AARS2: variants seen among roughly 807,000 people sequenced by gnomAD.
The protein encoded by AARS2 is alanyl-tRNA synthetase 2, mitochondrial.
Under a neutral mutation model 119.7 loss-of-function variants are expected in AARS2, and 78 were observed. The ratio of observed to expected loss-of-function variants is 0.65; its 90% CI spans 0.54 to 0.79. The LOEUF is 0.79. AARS2 is among the 30% of genes least tolerant of loss of function. The pLI is 0.00. For synonymous variants in AARS2, 502 were observed against 526.3 expected (o/e 0.95, Z 0.63); for missense variants, 1,157 against 1,291.3 (o/e 0.90, Z 1.59).
chr6:44,306,615 A>T, intron 7 of AARS2, 83 bp from the exon 8 acceptor site: 1 of 1,506,052 alleles, frequency 6.6e-7, no homozygotes, highest in African/African-American at 1.4e-5. Flanking sequence ...CCCTGAGGAC[A>T]CCTGCCCTGG....
In AARS2 at chr6:44,306,803, G is replaced by A. The variant is rs1192946173; in HGVS notation, c.1149+120C>T. The stretch of plus-strand genomic sequence containing the variant: ...TTCTTAGCTTGCTGATAGGATGCTG[G>A]GCTCGATATTTAGGGTGGGGACCTC... On this transcript the variant is annotated intron_variant, in intron 7 of 21. Transcript: ENST00000244571. The A allele has an allele frequency of 3.1e-6, 3 of 966,744 alleles. No individual in the cohort carries two copies. The East Asian group carries it at 7.4e-5, about 24-fold the overall frequency. The allele number at this position is 966,744 out of a possible 1,614,324, so 59.9% of individuals were successfully genotyped here. A position where few individuals can be genotyped will look rare whatever the true frequency, so the allele number is the denominator to read the frequency against.
In AARS2 at chr6:44,300,410, CCCAGGT is replaced by C; in HGVS notation, c.*131_*136del. On this transcript the variant is annotated 3_prime_UTR_variant, in exon 22 of 22. Transcript: ENST00000244571. ...TCTCCTTGTGTCACGTAGGCCCTGG[CCCAGGT>C]GATCTTCTTTGGCTCAGCTGCTTGG... 7.8e-7 allele frequency: 1 copy of C among 1,285,270 alleles called. No homozygotes were observed. Among genetic ancestry groups the C allele is most frequent in the Non-Finnish European group, 1.1e-6 (1 of 895,604 alleles). The allele number at this position is 1,285,270 out of a possible 1,614,324, so 79.6% of individuals were successfully genotyped here. A position where few individuals can be genotyped will look rare whatever the true frequency, so the allele number is the denominator to read the frequency against.
In AARS2 at chr6:44,302,811, C is replaced by T; in HGVS notation, c.2355G>A (p.Gln785=). The T allele has an allele frequency of 1.2e-6, 2 of 1,613,574 alleles. No individual in the cohort carries two copies. The highest frequency in any genetic ancestry group is 1.7e-6 in the Non-Finnish European group (2 of 1,179,868). The change falls in exon 17 of 22, where the codon CAG becomes CAA. Residue 785 remains glutamine (Q), a synonymous_variant. Transcript: ENST00000244571. The part of the protein sequence containing the change: ...TTRLLAVTGE[Q]AQQARELGQS... ...CTACTGGCATGCTGACCTGCTGGGC[C>T]TGCTCCCCAGTGACGGCCAGCAGGC...
At chr6:44,308,936 C>T (rs544368829) in intron 5 of AARS2, among the ~76,000 whole-genome samples, 1 of 152,296 alleles carries the variant, frequency 6.6e-6, no homozygotes, top group East Asian at 1.9e-4. Context: ...AGAATCAAGG[C>T]CCCACTTTGG....
Position 44,305,036 on chromosome 6 carries a change from CT to C in AARS2, c.1579+17del. On this transcript the variant is annotated intron_variant, in intron 11 of 21. Transcript: ENST00000244571. This position sits in a 1 kb window ranked among gnomAD's most constrained non-coding sequence, Gnocchi z 4.6. ...GTCAGGCAAGCTTGTGGCGGCAGGC[CT>C]TGGTCCAGGCTCTCACCATAACTTC... 1.9e-6 allele frequency: 3 copies of C among 1,614,090 alleles called. No individual in the cohort carries two copies. Among genetic ancestry groups the C allele is most frequent in the Non-Finnish European group, 1.7e-6 (2 of 1,180,012 alleles).
chr6:44,302,781 C>G (rs1269409864), intron 17 of AARS2, 21 bp downstream of exon 17: 1 of 1,605,916 alleles, frequency 6.2e-7, no homozygotes, highest in Non-Finnish European at 8.5e-7. Context: ...CCAGAAGTCC[C>G]AGGCCTACTG....
Position 44,302,386 on chromosome 6 carries a change from C to T in AARS2, c.2487+5G>A, listed in dbSNP as rs374389007. ...AGAGGGTGGGGTGGTAGGCGTGGCC[C>T]TCACTTCAATGAGTCGTCCTATGTC... On this transcript the variant is annotated splice_donor_5th_base_variant and intron_variant, in intron 18 of 21. Coordinates refer to ENST00000244571, the MANE Select transcript of AARS2 (RefSeq NM_020745.4). The T allele has an allele frequency of 6.2e-7, 1 of 1,613,980 alleles. No individual in the cohort carries two copies. Among genetic ancestry groups the T allele is most frequent in the African/African-American group, 1.3e-5 (1 of 74,910 alleles).
At chr6:44,312,453 A>G (rs1314641137) in intron 1 of AARS2, among the ~76,000 whole-genome samples, 190 bp from the exon 2 acceptor site, 2 of 152,240 alleles carry the variant, frequency 1.3e-5, no homozygotes, top group Non-Finnish European at 2.9e-5. Flanking sequence ...TGTGGGGAGC[A>G]GAGAAGAGGT....
Position 44,302,047 on chromosome 6 carries a change from A to G in AARS2, c.2598+13T>C. On this transcript the variant is annotated intron_variant, in intron 19 of 21. Coordinates refer to ENST00000244571, the MANE Select transcript of AARS2 (RefSeq NM_020745.4). ...GTCTCTGGGCACATGGGTGCAGCCA[A>G]ACCTCCTCTCACCTGTCCCATTTGC... is the stretch of plus-strand genomic sequence containing the variant. The G allele has an allele frequency of 1.9e-6, 3 of 1,613,526 alleles. No homozygotes were observed. The highest frequency in any genetic ancestry group is 4.5e-5 in the East Asian group (2 of 44,862).
intron 5 of AARS2, among the ~76,000 whole-genome samples, chr6:44,309,302 G>A (rs1364636866): frequency 2.0e-5 from 3 of 152,136 alleles, no homozygotes; most frequent in African/African-American, 4.8e-5. Flanking sequence ...GAGGAGCTGC[G>A]GCCTCTCAGC....
Position 44,307,720 on chromosome 6 carries a change from A to C in AARS2, c.895-326T>G. On this transcript the variant is annotated intron_variant, in intron 5 of 21. Coordinates refer to ENST00000244571, the MANE Select transcript of AARS2 (RefSeq NM_020745.4). This position sits in a 1 kb window ranked among gnomAD's most constrained non-coding sequence, Gnocchi z 4.4. ...GGTATTAGCATGCTTGCTTTAAAGA[A>C]GAAGAAGCTGAGGCTCAGAGGAACT... The C allele has an allele frequency of 2.6e-6, 1 of 387,684 alleles. No individual in the cohort carries two copies. Among genetic ancestry groups the C allele is most frequent in the East Asian group, 5.3e-5 (1 of 18,886 alleles). 24.0% of individuals were successfully genotyped at this position (387,684 alleles called of 1,614,324 possible). A position where few individuals can be genotyped will look rare whatever the true frequency, so the allele number is the denominator to read the frequency against.
At chr6:44,304,974 C>T (rs1785709743) in intron 11 of AARS2, 80 bp downstream of exon 11, 1 of 1,612,238 alleles carries the variant, frequency 6.2e-7, no homozygotes, top group Admixed American at 1.7e-5. Flanking sequence ...TACATAGGGG[C>T]TAGCAGCAAC....
intron 5 of AARS2, among the ~76,000 whole-genome samples, chr6:44,309,309 C>T (rs996889232): frequency 6.6e-6 from 1 of 152,208 alleles, no homozygotes; most frequent in African/African-American, 2.4e-5. Context: ...TGCGGCCTCT[C>T]AGCTCACCAC....
chr6:44,304,277 C>G lies in AARS2; in HGVS notation c.1911G>C (p.Leu637=). 1.2e-6 allele frequency: 2 copies of G among 1,614,188 alleles called. No homozygotes were observed. Among genetic ancestry groups the G allele is most frequent in the African/African-American group, 1.3e-5 (1 of 75,038 alleles). The stretch of plus-strand genomic sequence containing the variant: ...GGGTCTGCCTCAGTGCCCAGTTCAG[C>G]AGGTGGGTGGCCGTATGCTTCGCCA... The part of the protein sequence containing the change: ...GCMAKHTATH[L]LNWALRQTLG... Residue 637 remains leucine (L), a synonymous_variant, in exon 14 of 22, where the codon CTG becomes CTC. Coordinates refer to ENST00000244571, the MANE Select transcript of AARS2 (RefSeq NM_020745.4).
chr6:44,303,664 A>G (rs1185548306), intron 14 of AARS2, among the ~76,000 whole-genome samples: 1 of 152,196 alleles, frequency 6.6e-6, no homozygotes, highest in Admixed American at 6.5e-5. Context: ...AGTTAAAGAA[A>G]CAGAAAAAGG....
intron 5 of AARS2, among the ~76,000 whole-genome samples, chr6:44,308,157 G>A (rs1180061595): frequency 2.0e-5 from 3 of 152,132 alleles, no homozygotes; most frequent in Admixed American, 6.5e-5. Flanking sequence ...TGCCTGGACC[G>A]ATAATAGCCT....
rs1328451111 is a variant in AARS2 at position 44,310,194 on chromosome 6, T to G, written c.894+105A>C. ...TGGAATTCTTGGTTGGTTATTGTCC[T>G]CAGATGCTGAGAACACTCTGAGTTC... On this transcript the variant is annotated intron_variant, in intron 5 of 21. Coordinates refer to ENST00000244571, the MANE Select transcript of AARS2 (RefSeq NM_020745.4). 2.8e-6 allele frequency: 4 copies of G among 1,451,052 alleles called. No homozygotes were observed. The East Asian group carries it at 9.9e-5, about 36-fold the overall frequency. The allele number at this position is 1,451,052 out of a possible 1,614,324, so 89.9% of individuals were successfully genotyped here.
intron 11 of AARS2, 77 bp from the exon 12 acceptor site, chr6:44,304,894 C>A (rs1029245018): frequency 3.1e-6 from 5 of 1,609,376 alleles, no homozygotes; most frequent in Admixed American, 3.3e-5. Flanking sequence ...TGGAGGCCAA[C>A]AAGCACCCCC....
chr6:44,306,336 C>A lies in AARS2; in HGVS notation c.1244G>T (p.Gly415Val), dbSNP rs151044424. 2.0e-5 allele frequency: 32 copies of A among 1,614,172 alleles called. No individual in the cohort carries two copies. The highest frequency in any genetic ancestry group is 1.1e-4 in the South Asian group (10 of 91,086). ...CAGAGTCCGATCAATGATCCGCCTACCCCGCTCCAGGGAGGCCAGGAAGGC... is the reference window on the plus strand; with the variant it reads ...CAGAGTCCGATCAATGATCCGCCTAACCCGCTCCAGGGAGGCCAGGAAGGC... ...EAAFLASLER[G>V]RRIIDRTLRT... is the part of the protein sequence containing the mutation. The change falls in exon 9 of 22, where the codon GGT becomes GTT. Residue 415 changes from glycine (G) to valine (V), a missense_variant. Transcript: ENST00000244571.
Sources: gnomAD v4.1 joint callset for allele counts (sites outside exome capture counted in the v4.1 genomes callset) on GRCh38, gnomAD v4.1.1 for gene constraint, Gnocchi (gnomAD v3.1) non-coding constraint, MANE v1.5 for transcripts, NCBI Gene and HGNC (gene_info 2026-07-23, HGNC 2026-07-21) for gene names.